Variants in GABRB1 observed in about 807,000 individuals in gnomAD.
The protein encoded by GABRB1 is gamma-aminobutyric acid type A receptor subunit beta1.
A neutral mutation model predicts 51.6 loss-of-function variants in GABRB1; 17 were observed. The observed-to-expected ratio is 0.33, with a 90% confidence interval of 0.23 to 0.49. The LOEUF (loss-of-function observed/expected upper bound fraction) is 0.49. GABRB1 is among the 20% of genes least tolerant of loss of function. GABRB1 has a pLI of 0.99. For missense variants in GABRB1, 410 were observed against 600.6 expected (o/e 0.68, Z 3.32); for synonymous variants, 247 against 218.9 (o/e 1.13, Z -1.14).
chr4:47,049,655 G>T (rs540680607), intron 3 of GABRB1, among the ~76,000 whole-genome samples: 6 of 152,018 alleles, frequency 3.9e-5, no homozygotes, highest in Non-Finnish European at 8.8e-5. Flanking sequence ...TAGGAATATC[G>T]TCTTTATTTT....
chr4:47,128,245 G>A (rs1271527651), intron 3 of GABRB1, among the ~76,000 whole-genome samples: 1 of 151,786 alleles, frequency 6.6e-6, no homozygotes, highest in Non-Finnish European at 1.5e-5. Flanking sequence ...CATTAAAGTA[G>A]TGAAGAAAGA....
intron 3 of GABRB1, among the ~76,000 whole-genome samples, chr4:47,136,150 T>G (rs1264248186): frequency 2.0e-5 from 3 of 152,068 alleles, no homozygotes; most frequent in Admixed American, 6.6e-5. Context: ...GCCACCACTC[T>G]CAGCTAATTT....
chr4:47,236,056 A>C (rs1721323055), intron 4 of GABRB1, among the ~76,000 whole-genome samples: 1 of 152,156 alleles, frequency 6.6e-6, no homozygotes. Flanking sequence ...ATGGTGCCAG[A>C]AATTGGACAA....
At chr4:47,032,864 C>T in intron 3 of GABRB1, 1 of 407,788 alleles carries the variant, frequency 2.5e-6, no homozygotes, top group South Asian at 1.9e-5. Context: ...TGGTCGGCAG[C>T]CATCACCTCC....
chr4:47,344,561 A>G (rs1241941676), intron 5 of GABRB1, among the ~76,000 whole-genome samples: 1 of 152,198 alleles, frequency 6.6e-6, no homozygotes, highest in Non-Finnish European at 1.5e-5. Flanking sequence ...AATCTTTTTT[A>G]CATGACCACC....
At chr4:47,218,484 T>G (rs897513346) in intron 4 of GABRB1, among the ~76,000 whole-genome samples, 3 of 151,888 alleles carry the variant, frequency 2.0e-5, no homozygotes, top group Admixed American at 1.3e-4. Flanking sequence ...CCTGCCCCCT[T>G]GCCAACATTT....
At chr4:47,258,391 T>A (rs1722299962) in intron 4 of GABRB1, among the ~76,000 whole-genome samples, 1 of 152,170 alleles carries the variant, frequency 6.6e-6, no homozygotes, top group Non-Finnish European at 1.5e-5. Flanking sequence ...GTTTAGATTA[T>A]GTTCCTACCA....
chr4:47,105,261 A>G (rs1034782807), intron 3 of GABRB1, among the ~76,000 whole-genome samples: 6 of 152,048 alleles, frequency 3.9e-5, no homozygotes, highest in Non-Finnish European at 2.9e-5. Flanking sequence ...CATCGGCTTT[A>G]GATCTTTCCT....
At chr4:47,006,672 T>C (rs182927497) in intron 1 of GABRB1, among the ~76,000 whole-genome samples, 99 of 152,350 alleles carry the variant, frequency 6.5e-4, no homozygotes, top group African/African-American at 2.1e-3. Context: ...CATGTTATTT[T>C]CAACATATTT....
At chr4:47,288,686 C>G (rs2109918440) in intron 4 of GABRB1, among the ~76,000 whole-genome samples, 1 of 152,310 alleles carries the variant, frequency 6.6e-6, no homozygotes, top group Non-Finnish European at 1.5e-5. Context: ...TCATCATCAT[C>G]ATAGCAAATG....
At chr4:47,249,871 C>A (rs1301162387) in intron 4 of GABRB1, among the ~76,000 whole-genome samples, 1 of 152,090 alleles carries the variant, frequency 6.6e-6, no homozygotes, top group East Asian at 1.9e-4. Flanking sequence ...TTGGTGAGTT[C>A]TTATCCATTC....
intron 4 of GABRB1, among the ~76,000 whole-genome samples, chr4:47,229,922 C>T (rs1052570699): frequency 2.6e-5 from 4 of 152,018 alleles, no homozygotes; most frequent in Non-Finnish European, 5.9e-5. Flanking sequence ...TCTAGCCTCC[C>T]AAATGATAAG....
chr4:47,198,132 G>A (rs1034814520), intron 4 of GABRB1, among the ~76,000 whole-genome samples: 5 of 152,150 alleles, frequency 3.3e-5, no homozygotes, highest in African/African-American at 9.7e-5. Flanking sequence ...ATAAACTGCA[G>A]GTTTCAGAGC....
chr4:47,235,004 A>T (rs996781618), intron 4 of GABRB1, among the ~76,000 whole-genome samples: 2 of 152,286 alleles, frequency 1.3e-5, no homozygotes, highest in African/African-American at 4.8e-5. Flanking sequence ...TCTATCTTGT[A>T]TCCTTTGTAT....
Position 47,425,832 on chromosome 4 carries a change from C to T in GABRB1, c.1239C>T (p.Ala413=), listed in dbSNP as rs765692113. ...GCAAGCCCCTGAGCAGCCGCGAGGC[C>T]TACGGGCGCGCCCTGGACCGGCACG... ...QYRKPLSSRE[A]YGRALDRHGV... The change falls in exon 9 of 9, where the codon GCC becomes GCT. Residue 413 remains alanine, a synonymous_variant. Transcript: ENST00000295454. 4.3e-6 allele frequency: 7 copies of T among 1,613,934 alleles called. No individual in the cohort carries two copies. In the South Asian group the frequency reaches 5.5e-5, roughly 13 times the overall value.
chr4:47,316,172 A>G (rs1174084155), intron 4 of GABRB1, among the ~76,000 whole-genome samples: 1 of 151,864 alleles, frequency 6.6e-6, no homozygotes, highest in African/African-American at 2.4e-5. Flanking sequence ...ATAATTTACC[A>G]TCTTTACTAC....
At chr4:47,163,059 A>G (rs1272605659) in intron 4 of GABRB1, among the ~76,000 whole-genome samples, 1 of 152,040 alleles carries the variant, frequency 6.6e-6, no homozygotes, top group Non-Finnish European at 1.5e-5. Flanking sequence ...AAGGTATAGC[A>G]GAGAAAGTAT....
chr4:47,295,227 C>A (rs1474016355), intron 4 of GABRB1, among the ~76,000 whole-genome samples: 1 of 152,208 alleles, frequency 6.6e-6, no homozygotes, highest in Non-Finnish European at 1.5e-5. Flanking sequence ...GAATGCAGTT[C>A]CTCACCAGCA....
At chr4:47,026,997 A>G (rs901130565), upstream of GABRB1, among the ~76,000 whole-genome samples, 2 of 151,868 alleles carry the variant, frequency 1.3e-5, no homozygotes, top group African/African-American at 4.8e-5. Flanking sequence ...AGAACTAATT[A>G]TATATCCCTA....
Sources: allele counts gnomAD v4.1 joint callset (sites outside exome capture counted in the v4.1 genomes callset), GRCh38; gene constraint gnomAD v4.1.1; transcripts MANE v1.5; gene names NCBI Gene and HGNC (gene_info 2026-07-23, HGNC 2026-07-21).